CSMD2: variants seen among roughly 807,000 people sequenced by gnomAD.
CSMD2 encodes CUB and sushi domain-containing protein 2.
A neutral mutation model predicts 398.5 loss-of-function variants in CSMD2; 130 were observed. That is an observed-to-expected ratio of 0.33 (90% CI 0.28 to 0.38). The LOEUF (loss-of-function observed/expected upper bound fraction) is 0.38, where lower values mean the gene tolerates loss of function less well. Ranked by LOEUF, CSMD2 falls within the 10% of genes least tolerant of loss-of-function variation. CSMD2 has a pLI of 1.00. For synonymous variants in CSMD2, 1,828 were observed against 1,908.5 expected, an observed-to-expected ratio of 0.96 and a Z score of 1.10; for missense variants, 3,829 against 4,764.9, an observed-to-expected ratio of 0.80 and a Z score of 5.78.
At chr1:33,830,387 A>G (rs150066738) in intron 6 of CSMD2, among the ~76,000 whole-genome samples, 4,283 of 152,302 alleles carry the variant, frequency 0.028, 194 homozygotes, top group African/African-American at 0.098. Context: ...CGCTGCTGAT[A>G]CCCAGGCAAA....
intron 24 of CSMD2, among the ~76,000 whole-genome samples, chr1:33,697,115 T>C (rs1645443974): frequency 6.6e-6 from 1 of 151,248 alleles, no homozygotes; most frequent in Non-Finnish European, 1.5e-5. Flanking sequence ...CCAGTCCAAC[T>C]GGCATATTTG....
At chr1:33,858,581 T>C (rs187497370) in intron 5 of CSMD2, among the ~76,000 whole-genome samples, 16 of 152,328 alleles carry the variant, frequency 1.1e-4, no homozygotes, top group Admixed American at 3.9e-4. Flanking sequence ...ATCATTTTTA[T>C]TAAAATATTG....
intron 5 of CSMD2, among the ~76,000 whole-genome samples, chr1:33,888,788 G>GTTGTTGTTGTT (rs1228902880): frequency 2.4e-4 from 13 of 53,688 alleles, no homozygotes; most frequent in Non-Finnish European, 3.7e-4. Context: ...TTGTTGTTGA[G>GTTGTTGTTGTT]ATGGAGTCTC....
chr1:34,057,317 C>T lies in CSMD2; in HGVS notation c.405-24611G>A, dbSNP rs117361166. Among the ~76,000 whole-genome samples the T allele has an allele frequency of 3.5e-4, 53 of 152,330 alleles. No homozygotes were observed. In the East Asian group the frequency reaches 7.3e-3, roughly 21 times the overall value. ...ATTCAGGTGCCCACCCAGGATGCCA[C>T]GCCAACCTCAGCATAGGCTGATGGC... On this transcript the variant is annotated intron_variant, in intron 2 of 70. Transcript: ENST00000373381.
intron 1 of CSMD2, among the ~76,000 whole-genome samples, chr1:34,139,500 G>A (rs1351563595): frequency 2.0e-5 from 3 of 152,150 alleles, no homozygotes. Flanking sequence ...GAATTTTGTG[G>A]TTATTCTATT....
At chr1:33,597,461 G>A (rs1186887610) in intron 44 of CSMD2, among the ~76,000 whole-genome samples, 4 of 152,188 alleles carry the variant, frequency 2.6e-5, no homozygotes, top group Admixed American at 2.6e-4. Flanking sequence ...AAAGCTGTCT[G>A]GGGAGCAGAC....
intron 32 of CSMD2, among the ~76,000 whole-genome samples, chr1:33,630,197 T>C (rs900535208): frequency 6.6e-6 from 1 of 152,140 alleles, no homozygotes; most frequent in Non-Finnish European, 1.5e-5. Flanking sequence ...TATAGCTCTT[T>C]ACTTGAAAAT....
chr1:33,897,405 T>C (rs1642462054), intron 5 of CSMD2, among the ~76,000 whole-genome samples: 1 of 152,242 alleles, frequency 6.6e-6, no homozygotes, highest in African/African-American at 2.4e-5. Context: ...CTGTGGAATC[T>C]GGCAACTGGA....
Position 34,004,709 on chromosome 1 carries a change from T to C in CSMD2, c.517+27885A>G, listed in dbSNP as rs1325256. Among the ~76,000 whole-genome samples the C allele has an allele frequency of 2.2e-3, 340 of 152,240 alleles. 8 individuals carry two copies. The East Asian group carries it at 0.051, about 23-fold the overall frequency. On this transcript the variant is annotated intron_variant, in intron 3 of 70. Coordinates refer to ENST00000373381, the MANE Select transcript of CSMD2 (RefSeq NM_001281956.2). ...AGGGAGTACATCTTGCAATTGAGAA[T>C]ATATGAAATCTCCCTAGGGGGCTTT...
At chr1:33,607,651 C>T (rs761226903) in intron 41 of CSMD2, among the ~76,000 whole-genome samples, 8 of 152,224 alleles carry the variant, frequency 5.3e-5, no homozygotes, top group South Asian at 2.1e-4. Flanking sequence ...TCGCCCCAAA[C>T]GAGAAGCCTT....
intron 2 of CSMD2, among the ~76,000 whole-genome samples, chr1:34,081,420 C>T (rs181750216): frequency 4.3e-4 from 66 of 151,858 alleles, no homozygotes; most frequent in Admixed American, 4.3e-3. Context: ...CCCCCTCCCC[C>T]TCCCGCTCCC....
In CSMD2 at chr1:33,977,916, C is replaced by T. The variant is rs78623531; in HGVS notation, c.518-41962G>A. On this transcript the variant is annotated intron_variant, in intron 3 of 70. Transcript: ENST00000373381. ...AAACTACTGAAAGAGTCAACAGAAG[C>T]GGGCAGGGGTCCCGGTCGGGGCTGA... Among the ~76,000 whole-genome samples, 936 of 152,122 alleles carry T rather than the reference C, an allele frequency of 6.2e-3. 4 individuals carry two copies. The highest frequency in any genetic ancestry group is 8.0e-3 in the Admixed American group (122 of 15,282).
intron 1 of CSMD2, among the ~76,000 whole-genome samples, chr1:34,154,711 T>C (rs1426144884): frequency 1.4e-5 from 2 of 145,978 alleles, no homozygotes; most frequent in Admixed American, 7.2e-5. Context: ...CCCTACACAT[T>C]TTATAAGGAT....
At chr1:33,521,901 G>T (rs1654337031) in intron 67 of CSMD2, among the ~76,000 whole-genome samples, 1 of 152,164 alleles carries the variant, frequency 6.6e-6, no homozygotes, top group Non-Finnish European at 1.5e-5. Flanking sequence ...AAATACTTCA[G>T]AACACTTAAT....
chr1:33,735,260 C>G (rs1428933887), intron 15 of CSMD2, among the ~76,000 whole-genome samples: 1 of 152,192 alleles, frequency 6.6e-6, no homozygotes, highest in African/African-American at 2.4e-5. Flanking sequence ...CTTAACCTGT[C>G]TGTGTCCTAG....
At chr1:33,914,679 C>A (rs1349552800) in intron 5 of CSMD2, among the ~76,000 whole-genome samples, 1 of 152,136 alleles carries the variant, frequency 6.6e-6, no homozygotes, top group Admixed American at 6.5e-5. Flanking sequence ...AAAGGCTGGA[C>A]CGGGACCAGC....
intron 1 of CSMD2, among the ~76,000 whole-genome samples, chr1:34,145,696 G>T (rs1225576657): frequency 6.6e-6 from 1 of 152,210 alleles, no homozygotes; most frequent in African/African-American, 2.4e-5. Flanking sequence ...AACAAAGTTA[G>T]GTTGTGTCGA....
At chr1:33,663,788 C>G (rs1644221363) in intron 25 of CSMD2, among the ~76,000 whole-genome samples, 1 of 152,150 alleles carries the variant, frequency 6.6e-6, no homozygotes, top group Non-Finnish European at 1.5e-5. Context: ...CCAAAGATAC[C>G]TTGGCTACAA....
chr1:33,941,009 G>A (rs1009837167), intron 3 of CSMD2, among the ~76,000 whole-genome samples: 1 of 151,884 alleles, frequency 6.6e-6, no homozygotes, highest in Admixed American at 6.6e-5. Context: ...TAGAATGTCC[G>A]TGTATTTTTT....
Sources: gnomAD v4.1 joint callset for allele counts (sites outside exome capture counted in the v4.1 genomes callset) on GRCh38, gnomAD v4.1.1 for gene constraint, MANE v1.5 for transcripts, NCBI Gene and HGNC (gene_info 2026-07-23, HGNC 2026-07-21) for gene names.